The following NFIX variants were observed in gnomAD, a reference collection of about 807,000 sequenced individuals.
The protein encoded by NFIX is nuclear factor 1 X-type.
NFIX carries 2 observed loss-of-function variants against 53.3 expected under a neutral mutation model. The ratio of observed to expected loss-of-function variants is 0.04; its 90% CI spans 0.02 to 0.12. The LOEUF (loss-of-function observed/expected upper bound fraction) is 0.12, where lower values mean the gene tolerates loss of function less well. NFIX is among the 10% of genes least tolerant of loss of function. The pLI is 1.00. For synonymous variants in NFIX, 244 were observed against 289.0 expected (o/e 0.84, Z 1.58); for missense variants, 310 against 674.5 (o/e 0.46, Z 5.99).
At position 13,090,169 on chromosome 19, in the gene NFIX, CA is replaced by C. The variant is rs1226768563; in HGVS notation, c.1403-129del. The C allele has an allele frequency of 1.3e-5, 11 of 852,126 alleles. No homozygotes were observed. The highest frequency in any genetic ancestry group is 2.1e-5 in the Non-Finnish European group (11 of 512,612). The allele number at this position is 852,126 out of a possible 1,614,324, so 52.8% of individuals were successfully genotyped here. On this transcript the variant is annotated intron_variant, in intron 9 of 10. Transcript: ENST00000592199. This position sits in a 1 kb window ranked among gnomAD's most constrained non-coding sequence, Gnocchi z 6.6. ...AGATGCCCCTCTGGCCCATCCTTCCCACTGCCAGCCTAAACTCGGGCAGCAT... is the reference window on the plus strand; with the variant it reads ...AGATGCCCCTCTGGCCCATCCTTCCCCTGCCAGCCTAAACTCGGGCAGCAT...
At position 13,040,659 on chromosome 19, in the gene NFIX, G is replaced by A. The variant is rs564526417; in HGVS notation, c.559+15107G>A. The stretch of plus-strand genomic sequence containing the variant: ...GCCTCTCGGGTCAGAGATGACTGCC[G>A]TCCTCCAGCTGGTACATGTGCTTGC... On this transcript the variant is annotated intron_variant, in intron 2 of 10. Coordinates refer to ENST00000592199, the MANE Select transcript of NFIX (RefSeq NM_001365902.3). This position sits in a 1 kb window ranked among gnomAD's most constrained non-coding sequence, Gnocchi z 4.2. 1.4e-4 allele frequency among the ~76,000 whole-genome samples: 22 copies of A among 152,226 alleles called. No homozygotes were observed. Among genetic ancestry groups the A allele is most frequent in the African/African-American group, 3.4e-4 (14 of 41,530 alleles).
intron 10 of NFIX, among the ~76,000 whole-genome samples, chr19:13,092,187 C>G (rs1456765709): frequency 6.6e-6 from 1 of 152,262 alleles, no homozygotes; most frequent in East Asian, 1.9e-4. Flanking sequence ...CTCTGGAGCA[C>G]CAGATGGAGA....
chr19:13,075,481 TC>T, intron 5 of NFIX, 53 bp from the exon 6 acceptor site: 1 of 1,598,346 alleles, frequency 6.3e-7, no homozygotes, highest in Non-Finnish European at 8.5e-7. Context: ...TCTTGGTCAC[TC>T]CCTGGAGCCT....
chr19:13,083,530 ACT>A (rs1412125781), intron 8 of NFIX, among the ~76,000 whole-genome samples: 2 of 152,024 alleles, frequency 1.3e-5, no homozygotes, highest in African/African-American at 4.8e-5. Context: ...AAGATTGAGG[ACT>A]CTGATATAGA....
At chr19:13,035,406 G>A (rs1307636592) in intron 2 of NFIX, among the ~76,000 whole-genome samples, 2 of 152,144 alleles carry the variant, frequency 1.3e-5, no homozygotes, top group East Asian at 3.8e-4. Context: ...TGGTCTCTGT[G>A]TGCTGGGGCT....
rs2012204913 is a variant in NFIX at position 13,009,358 on chromosome 19, A to G, written c.27+13494A>G. ...TATGTGACCTCCTGTGACCCTCCCA[A>G]CACGAGGCAGGTATGAGTAACCTGT... On this transcript the variant is annotated intron_variant, in intron 1 of 10. Coordinates refer to ENST00000592199, the MANE Select transcript of NFIX (RefSeq NM_001365902.3). The surrounding 1 kb of genome is among the most constrained non-coding windows in gnomAD (Gnocchi z 4.7). Among the ~76,000 whole-genome samples the G allele has an allele frequency of 6.6e-6, 1 of 152,156 alleles. No individual in the cohort carries two copies. The highest frequency in any genetic ancestry group is 6.5e-5 in the Admixed American group (1 of 15,276).
At chr19:13,042,148 C>T (rs1246729371) in intron 2 of NFIX, among the ~76,000 whole-genome samples, 1 of 151,602 alleles carries the variant, frequency 6.6e-6, no homozygotes, top group Non-Finnish European at 1.5e-5. Flanking sequence ...CCTCGTGATC[C>T]GCCTGCCTTG....
At position 13,067,783 on chromosome 19, in the gene NFIX, T is replaced by G. The variant is rs2016514839; in HGVS notation, c.560-5264T>G. 6.6e-6 allele frequency among the ~76,000 whole-genome samples: 1 copy of G among 151,810 alleles called. No individual in the cohort carries two copies. Among genetic ancestry groups the G allele is most frequent in the Non-Finnish European group, 1.5e-5 (1 of 67,988 alleles). On this transcript the variant is annotated intron_variant, in intron 2 of 10. Transcript: ENST00000592199. This position sits in a 1 kb window ranked among gnomAD's most constrained non-coding sequence, Gnocchi z 4.2. ...AGTGGGAGCCATAACTACCTCCCCA[T>G]CTGTAGGTGGAAAATATATATATAT... is the stretch of plus-strand genomic sequence containing the variant.
intron 1 of NFIX, among the ~76,000 whole-genome samples, chr19:13,019,709 C>G (rs532334474): frequency 8.1e-6 from 1 of 122,788 alleles, no homozygotes; most frequent in Non-Finnish European, 1.7e-5. Context: ...AAAACTGTTG[C>G]TGGTTTTTTT....
At chr19:13,063,956 TTGTC>T (rs947781573) in intron 2 of NFIX, among the ~76,000 whole-genome samples, 2 of 151,956 alleles carry the variant, frequency 1.3e-5, no homozygotes, top group Admixed American at 6.5e-5. Flanking sequence ...GTGAGGGTGA[TTGTC>T]TGGCCAGCCT....
At position 13,040,585 on chromosome 19, in the gene NFIX, C is replaced by T. The variant is rs955742299; in HGVS notation, c.559+15033C>T. 7.2e-5 allele frequency among the ~76,000 whole-genome samples: 11 copies of T among 152,328 alleles called. No homozygotes were observed. Among genetic ancestry groups the T allele is most frequent in the Non-Finnish European group, 1.5e-4 (10 of 68,026 alleles). Reference sequence around the variant, plus strand: ...TCCAGGCTCCTTGTATGGACAGACTCATGGCTGCTATTCCTGCCCTCCATC... The same window carrying T: ...TCCAGGCTCCTTGTATGGACAGACTTATGGCTGCTATTCCTGCCCTCCATC... On this transcript the variant is annotated intron_variant, in intron 2 of 10. Transcript: ENST00000592199. The surrounding 1 kb of genome is among the most constrained non-coding windows in gnomAD (Gnocchi z 4.2).
chr19:13,016,463 C>T (rs1289161000), intron 1 of NFIX, among the ~76,000 whole-genome samples: 3 of 152,146 alleles, frequency 2.0e-5, no homozygotes, highest in African/African-American at 7.2e-5. Context: ...TTGCCAATTA[C>T]ATTTTGCTGT....
In NFIX at chr19:13,093,594, G is replaced by A. The variant is rs978270656; in HGVS notation, c.1495-1041G>A. 4.6e-5 allele frequency among the ~76,000 whole-genome samples: 7 copies of A among 152,210 alleles called. No individual in the cohort carries two copies. Among genetic ancestry groups the A allele is most frequent in the Non-Finnish European group, 1.0e-4 (7 of 68,034 alleles). ...GGCTGTGTGGCCTCAGGCAGGTCAC[G>A]TACCCCCTCTGTGCCTAGCTTCCTG... is the stretch of plus-strand genomic sequence containing the variant. On this transcript the variant is annotated intron_variant, in intron 10 of 10. Coordinates refer to ENST00000592199, the MANE Select transcript of NFIX (RefSeq NM_001365902.3). This position sits in a 1 kb window ranked among gnomAD's most constrained non-coding sequence, Gnocchi z 4.7.
chr19:13,095,486 C>T lies in NFIX; in HGVS notation c.*837C>T, dbSNP rs2018390169. 6.6e-6 allele frequency: 1 copy of T among 152,458 alleles called. No individual in the cohort carries two copies. Among genetic ancestry groups the T allele is most frequent in the Middle Eastern group, 3.4e-3 (1 of 294 alleles). The allele number at this position is 152,458 out of a possible 1,614,324, so 9.4% of individuals were successfully genotyped here. A position where few individuals can be genotyped will look rare whatever the true frequency, so the allele number is the denominator to read the frequency against. Reference sequence around the variant, plus strand: ...GCCTGGGACAGGCCCCCTTTCCCCTCTCTCTGCAGGCCAGGAGGGCCTCCT... The same window carrying T: ...GCCTGGGACAGGCCCCCTTTCCCCTTTCTCTGCAGGCCAGGAGGGCCTCCT... On this transcript the variant is annotated 3_prime_UTR_variant, in exon 11 of 11. Transcript: ENST00000592199.
At position 13,037,444 on chromosome 19, in the gene NFIX, G is replaced by A. The variant is rs1287860815; in HGVS notation, c.559+11892G>A. On this transcript the variant is annotated intron_variant, in intron 2 of 10. Coordinates refer to ENST00000592199, the MANE Select transcript of NFIX (RefSeq NM_001365902.3). The surrounding 1 kb of genome is among the most constrained non-coding windows in gnomAD (Gnocchi z 4.2). ...GTGGAAGTAATGGCGCTGAGAGATG[G>A]CGCCTGGGGAAGAAAGAGGAGACAA... 1.3e-5 allele frequency among the ~76,000 whole-genome samples: 2 copies of A among 152,214 alleles called. No homozygotes were observed. The highest frequency in any genetic ancestry group is 2.4e-5 in the African/African-American group (1 of 41,446).
At chr19:13,077,268 C>T (rs910833274) in intron 6 of NFIX, among the ~76,000 whole-genome samples, 2 of 152,180 alleles carry the variant, frequency 1.3e-5, no homozygotes, top group African/African-American at 4.8e-5. Flanking sequence ...TCTGCTTTTG[C>T]GCCTGCCATT....
rs1375871220 is a variant in NFIX at position 13,009,931 on chromosome 19, A to T, written c.27+14067A>T. On this transcript the variant is annotated intron_variant, in intron 1 of 10. Transcript: ENST00000592199. This position sits in a 1 kb window ranked among gnomAD's most constrained non-coding sequence, Gnocchi z 4.7. The stretch of plus-strand genomic sequence containing the variant: ...AAGGCAGAGAAGTCTCAGGACTTCA[A>T]ACCAACAGCCTAACCCTGTCCACAC... 2.0e-5 allele frequency among the ~76,000 whole-genome samples: 3 copies of T among 152,048 alleles called. No individual in the cohort carries two copies. Among genetic ancestry groups the T allele is most frequent in the Non-Finnish European group, 4.4e-5 (3 of 68,012 alleles).
At chr19:13,061,611 CGCTCCCTGAGCCGTGCT>C (rs963328949) in intron 2 of NFIX, among the ~76,000 whole-genome samples, 5 of 152,178 alleles carry the variant, frequency 3.3e-5, no homozygotes, top group African/African-American at 1.2e-4. Context: ...TGAGCCGCGC[CGCTCCCTGAGCCGTGCT>C]GCTCGGCAGC....
At chr19:13,085,000 G>A (rs948075230) in intron 8 of NFIX, among the ~76,000 whole-genome samples, 7 of 151,122 alleles carry the variant, frequency 4.6e-5, no homozygotes, top group Non-Finnish European at 8.8e-5. Context: ...AACCCGGGAG[G>A]CGGAGGTTGC....
Sources: gnomAD v4.1 joint callset for allele counts (sites outside exome capture counted in the v4.1 genomes callset) on GRCh38, gnomAD v4.1.1 for gene constraint, Gnocchi (gnomAD v3.1) non-coding constraint, MANE v1.5 for transcripts, NCBI Gene and HGNC (gene_info 2026-07-23, HGNC 2026-07-21) for gene names.